Variants in DIP2C observed in about 807,000 individuals in gnomAD.
DIP2C encodes disco-interacting protein 2 homolog C.
Under a neutral mutation model 192.4 loss-of-function variants are expected in DIP2C, and 33 were observed. The observed-to-expected ratio is 0.17, with a 90% CI of 0.13 to 0.23. DIP2C has a LOEUF of 0.23. Ranked by LOEUF, DIP2C falls within the 10% of genes least tolerant of loss-of-function variation. DIP2C has a pLI of 1.00. For synonymous variants in DIP2C, 979 were observed against 864.1 expected (o/e 1.13, Z -2.33); for missense variants, 1,537 against 2,110.1 (o/e 0.73, Z 5.32).
chr10:432,235 T>C (rs1966865231), intron 4 of DIP2C, among the ~76,000 whole-genome samples: 1 of 152,216 alleles, frequency 6.6e-6, no homozygotes, highest in African/African-American at 2.4e-5. Context: ...ATTCCTCAGC[T>C]TTTATGTTCT....
intron 1 of DIP2C, among the ~76,000 whole-genome samples, chr10:532,578 TGAGAGAGAGTATGGGTGTGA>T (rs1847443337): frequency 4.4e-5 from 4 of 91,760 alleles, no homozygotes; most frequent in Admixed American, 2.2e-4. Context: ...AGTATGGGTG[TGAGAGAGAGTATGGGTGTGA>T]GAGAGAGTAT....
At chr10:313,220 CAA>C (rs1379016780) in intron 31 of DIP2C, among the ~76,000 whole-genome samples, 7 of 152,182 alleles carry the variant, frequency 4.6e-5, no homozygotes, top group Admixed American at 6.5e-5. Context: ...ATCCCTAATG[CAA>C]AAGAGTGCCC....
chr10:652,976 C>T lies in DIP2C; in HGVS notation c.85+36518G>A, dbSNP rs1430777284. Among the ~76,000 whole-genome samples, 4 of 152,074 alleles carry T rather than the reference C, an allele frequency of 2.6e-5. No homozygotes were observed. Among genetic ancestry groups the T allele is most frequent in the African/African-American group, 9.7e-5 (4 of 41,396 alleles). ...GCAAGACTGTGGGCATCTCAAGGTGCCCCACGTCCCCAAAGACCAAGGGGT... is the reference window on the plus strand; with the variant it reads ...GCAAGACTGTGGGCATCTCAAGGTGTCCCACGTCCCCAAAGACCAAGGGGT... On this transcript the variant is annotated intron_variant, in intron 1 of 36. Transcript: ENST00000280886. The surrounding 1 kb of genome is among the most constrained non-coding windows in gnomAD (Gnocchi z 4.5).
intron 1 of DIP2C, among the ~76,000 whole-genome samples, chr10:563,975 G>C (rs574924122): frequency 1.3e-5 from 2 of 152,244 alleles, no homozygotes; most frequent in African/African-American, 2.4e-5. Flanking sequence ...AAGAATTAAA[G>C]TCTGTGAATA....
intron 13 of DIP2C, among the ~76,000 whole-genome samples, chr10:388,343 C>A (rs1963155063): frequency 6.6e-6 from 1 of 152,146 alleles, no homozygotes; most frequent in Non-Finnish European, 1.5e-5. Flanking sequence ...GTGCTAAAAG[C>A]TCGTGCTTGA....
intron 1 of DIP2C, among the ~76,000 whole-genome samples, chr10:610,622 T>C (rs1023210708): frequency 1.1e-4 from 16 of 152,266 alleles, no homozygotes; most frequent in African/African-American, 3.9e-4. Context: ...GCGAAGCAAG[T>C]GCAGGTAAGA....
At chr10:508,872 G>A (rs764003817) in intron 1 of DIP2C, among the ~76,000 whole-genome samples, 14 of 152,148 alleles carry the variant, frequency 9.2e-5, no homozygotes, top group Non-Finnish European at 1.8e-4. Context: ...TCGAAAACAC[G>A]GCTGTTCCAA....
chr10:276,142 GAA>G lies in DIP2C; in HGVS notation c.*1181_*1182del, dbSNP rs1443859569. The G allele has an allele frequency of 6.6e-5, 10 of 152,652 alleles. No individual in the cohort carries two copies. The highest frequency in any genetic ancestry group is 3.9e-4 in the Admixed American group (6 of 15,286). 9.5% of individuals were successfully genotyped at this position (152,652 alleles called of 1,614,324 possible). ...TTGTGCAATGAATTCTTGCAGCTAAGAAAACAGTGCTATTTGCCAACCTAAAG... is the reference window on the plus strand; with the variant it reads ...TTGTGCAATGAATTCTTGCAGCTAAGAACAGTGCTATTTGCCAACCTAAAG... On this transcript the variant is annotated 3_prime_UTR_variant, in exon 37 of 37. Coordinates refer to ENST00000280886, the MANE Select transcript of DIP2C (RefSeq NM_014974.3).
chr10:325,998 T>C (rs1957256272), intron 31 of DIP2C, among the ~76,000 whole-genome samples: 1 of 151,848 alleles, frequency 6.6e-6, no homozygotes, highest in African/African-American at 2.4e-5. Flanking sequence ...CTGGGCGACA[T>C]GGTGAAACCC....
intron 1 of DIP2C, among the ~76,000 whole-genome samples, chr10:564,116 TAGG>T (rs1374480236): frequency 6.6e-6 from 1 of 152,136 alleles, no homozygotes; most frequent in Non-Finnish European, 1.5e-5. Flanking sequence ...GAAAAAGACT[TAGG>T]GGAGCAAATT....
intron 14 of DIP2C, among the ~76,000 whole-genome samples, chr10:385,485 T>C (rs1266314575): frequency 6.6e-6 from 1 of 152,214 alleles, no homozygotes; most frequent in Non-Finnish European, 1.5e-5. Context: ...GCCTAATTCT[T>C]CCCGGTGTGT....
chr10:361,932 C>G (rs1039022704), intron 22 of DIP2C, among the ~76,000 whole-genome samples: 1 of 151,942 alleles, frequency 6.6e-6, no homozygotes, highest in African/African-American at 2.4e-5. Flanking sequence ...AACCAGGGAC[C>G]GCGAGAACAA....
intron 10 of DIP2C, among the ~76,000 whole-genome samples, chr10:395,242 CTA>C (rs915905745): frequency 3.3e-5 from 5 of 151,800 alleles, no homozygotes; most frequent in Admixed American, 6.6e-5. Flanking sequence ...AGCAGGGTAA[CTA>C]TAATAAATGA....
chr10:277,078 G>C lies in DIP2C; in HGVS notation c.*247C>G. On this transcript the variant is annotated 3_prime_UTR_variant, in exon 37 of 37. Transcript: ENST00000280886. Reference sequence around the variant, plus strand: ...AAAAGAAAAGAAAGTTTTGAAATGGGCTTTTCCAACAAACTGAAGGCAGTA... The same window carrying C: ...AAAAGAAAAGAAAGTTTTGAAATGGCCTTTTCCAACAAACTGAAGGCAGTA... The C allele has an allele frequency of 4.6e-6, 2 of 435,618 alleles. No homozygotes were observed. The highest frequency in any genetic ancestry group is 4.0e-6 in the Non-Finnish European group (1 of 250,888). The allele number at this position is 435,618 out of a possible 1,614,324, so 27.0% of individuals were successfully genotyped here. A position where few individuals can be genotyped will look rare whatever the true frequency, so the allele number is the denominator to read the frequency against.
intron 17 of DIP2C, among the ~76,000 whole-genome samples, chr10:378,750 AAC>A (rs1419428397): frequency 1.3e-5 from 2 of 151,850 alleles, no homozygotes; most frequent in Non-Finnish European, 2.9e-5. Context: ...GACACATGTG[AAC>A]ACATGCCTAG....
intron 32 of DIP2C, among the ~76,000 whole-genome samples, chr10:305,972 A>AATATATATATATATATATATAT (rs35830495): frequency 1.9e-4 from 28 of 146,338 alleles, no homozygotes; most frequent in African/African-American, 6.8e-4. Flanking sequence ...AATGCAGACA[A>AATATATATATATATATATATAT]ATATATATAT....
chr10:601,077 C>T (rs1243271996), intron 1 of DIP2C, among the ~76,000 whole-genome samples: 1 of 152,160 alleles, frequency 6.6e-6, no homozygotes, highest in African/African-American at 2.4e-5. Context: ...ATGAATTTGC[C>T]ACTTCAGCCT....
At chr10:671,125 C>A (rs1830611899) in intron 1 of DIP2C, among the ~76,000 whole-genome samples, 1 of 152,280 alleles carries the variant, frequency 6.6e-6, no homozygotes, top group African/African-American at 2.4e-5. Context: ...CCCTGCGGCT[C>A]CCCGAGCGTG....
At chr10:526,530 C>CAAA (rs11298752) in intron 1 of DIP2C, among the ~76,000 whole-genome samples, 1 of 139,054 alleles carries the variant, frequency 7.2e-6, no homozygotes, top group Admixed American at 7.1e-5. Flanking sequence ...CCTACCCCAC[C>CAAA]AAAAAAAAAA....
Sources: gnomAD v4.1 joint callset for allele counts (sites outside exome capture counted in the v4.1 genomes callset) on GRCh38, gnomAD v4.1.1 for gene constraint, Gnocchi (gnomAD v3.1) non-coding constraint, MANE v1.5 for transcripts, NCBI Gene and HGNC (gene_info 2026-07-23, HGNC 2026-07-21) for gene names.